RRP12: variants seen among roughly 807,000 people sequenced by gnomAD.
RRP12 encodes RRP12-like protein.
A neutral mutation model predicts 157.3 loss-of-function variants in RRP12; 78 were observed. The ratio of observed to expected loss-of-function variants is 0.50; its 90% CI spans 0.41 to 0.60. The LOEUF is 0.60. RRP12 is among the 20% of genes least tolerant of loss of function. RRP12 has a pLI of 0.00. For missense variants in RRP12, 1,521 were observed against 1,679.9 expected, an observed-to-expected ratio of 0.91 and a Z score of 1.65; for synonymous variants, 726 against 670.9, an observed-to-expected ratio of 1.08 and a Z score of -1.27.
At chr10:97,388,027 C>G in intron 8 of RRP12, 1 of 540,172 alleles carries the variant, frequency 1.9e-6, no homozygotes, top group Non-Finnish European at 3.3e-6. Context: ...ACTACAGATC[C>G]ACCCTGACTC....
intron 21 of RRP12, 24 bp from the exon 22 acceptor site, chr10:97,370,820 AG>A: frequency 6.2e-7 from 1 of 1,612,202 alleles, no homozygotes; most frequent in East Asian, 2.2e-5. Context: ...GCTACCAGTC[AG>A]GACCCCTCAA....
chr10:97,360,586 C>G lies in RRP12; in HGVS notation c.3600G>C (p.Glu1200Asp), dbSNP rs201662952. ...GTATCTCCAGCTCCTCCTCCTCAGC[C>G]TCTTTCTGGTGCTTGAGCTTCTGGT... ...KKHQKLKHQKEAEEEELEIPP... is the reference protein window; with the variant it reads ...KKHQKLKHQKDAEEEELEIPP... Residue 1200 changes from glutamate (E) to aspartate (D), a missense_variant, in exon 31 of 34, where the codon GAG becomes GAC. Glu to Asp is a conservative substitution (Grantham distance 45). Transcript: ENST00000370992. 6.2e-7 allele frequency: 1 copy of G among 1,614,052 alleles called. No homozygotes were observed. Among genetic ancestry groups the G allele is most frequent in the African/African-American group, 1.3e-5 (1 of 75,034 alleles).
intron 8 of RRP12, chr10:97,387,951 A>G (rs1251914546): frequency 4.6e-6 from 1 of 215,332 alleles, no homozygotes; most frequent in Non-Finnish European, 9.1e-6. Context: ...CAAAAAAAAA[A>G]AAAAAAAAAA....
Position 97,401,160 on chromosome 10 carries a change from G to A in RRP12, c.72C>T (p.Ser24=), listed in dbSNP as rs761020309. The part of the protein sequence containing the change: ...KLKRWKKGHS[S]DSNPAICRHR... ...GGCGGCAGATGGCGGGGTTGCTGTC[G>A]CTGCTGTGGCCTTTCTTCCAGCGCT... The change falls in exon 1 of 34, where the codon AGC becomes AGT. Residue 24 remains serine, a synonymous_variant. Coordinates refer to ENST00000370992, the MANE Select transcript of RRP12 (RefSeq NM_015179.4). 6.2e-7 allele frequency: 1 copy of A among 1,614,158 alleles called. No individual in the cohort carries two copies. The highest frequency in any genetic ancestry group is 8.5e-7 in the Non-Finnish European group (1 of 1,180,036).
chr10:97,388,001 G>T, intron 8 of RRP12: 1 of 476,268 alleles, frequency 2.1e-6, no homozygotes. Context: ...GGTGCAGAAG[G>T]AGGGTTTACC....
At chr10:97,369,722 C>G (rs760410297) in intron 24 of RRP12, 140 bp from the exon 25 acceptor site, 3 of 889,984 alleles carry the variant, frequency 3.4e-6, no homozygotes, top group Non-Finnish European at 3.4e-6. Context: ...TGGTTCCAAT[C>G]ACGCTCCATG....
At chr10:97,361,544 T>A (rs1843841400) in intron 30 of RRP12, among the ~76,000 whole-genome samples, 2 of 152,156 alleles carry the variant, frequency 1.3e-5, no homozygotes, top group South Asian at 4.1e-4. Context: ...GGTAAAGGGA[T>A]CGGCCTGGGC....
In RRP12 at chr10:97,366,767, C is replaced by T. The variant is rs771066500; in HGVS notation, c.3190G>A (p.Glu1064Lys). ...EEEEEEEEEEEPAQGKGDSIE... is the reference protein window; with the variant it reads ...EEEEEEEEEEKPAQGKGDSIE... ...CTGTCACCTTTGCCCTGGGCGGGCT[C>T]CTCCTCCTCCTCCTCCTCTTCTTCC... The change falls in exon 27 of 34, where the codon GAG becomes AAG. Residue 1064 changes from glutamate to lysine, a missense_variant. Transcript: ENST00000370992. The T allele has an allele frequency of 6.6e-7, 1 of 1,514,246 alleles. No homozygotes were observed. Among genetic ancestry groups the T allele is most frequent in the East Asian group, 2.3e-5 (1 of 43,608 alleles). 93.8% of individuals were successfully genotyped at this position (1,514,246 alleles called of 1,614,324 possible).
In RRP12 at chr10:97,366,736, T is replaced by C. The variant is rs11189169; in HGVS notation, c.3215+6A>G. 0.018 allele frequency: 28,741 copies of C among 1,612,378 alleles called. 3,031 individuals are homozygous for C. In the African/African-American group the frequency reaches 0.28, roughly 16 times the overall value. ...ACCGGGTCCCATGGCCCTAACATGG[T>C]CTCACCTGTCACCTTTGCCCTGGGC... On this transcript the variant is annotated splice_donor_region_variant and intron_variant, in intron 27 of 33. Transcript: ENST00000370992.
intron 33 of RRP12, among the ~76,000 whole-genome samples, chr10:97,357,763 C>G (rs1380055925): frequency 8.6e-5 from 13 of 151,780 alleles, no homozygotes; most frequent in Admixed American, 8.5e-4. Flanking sequence ...TCAAGACCAT[C>G]CTGGGTAACA....
In RRP12 at chr10:97,367,023, C is replaced by CAGT. The variant is rs765545641; in HGVS notation, c.3047+17_3047+18insACT. 6.2e-7 allele frequency: 1 copy of CAGT among 1,613,718 alleles called. No individual in the cohort carries two copies. The highest frequency in any genetic ancestry group is 8.5e-7 in the Non-Finnish European group (1 of 1,179,640). On this transcript the variant is annotated intron_variant, in intron 26 of 33. Coordinates refer to ENST00000370992, the MANE Select transcript of RRP12 (RefSeq NM_015179.4). The stretch of plus-strand genomic sequence containing the variant: ...GCCCCTCGCTTGCCCTACCCCCGCC[C>CAGT]CTGCTCAGTGCACAGACCCAAACTT...
chr10:97,373,088 C>G lies in RRP12; in HGVS notation c.2139G>C (p.Val713=). The G allele has an allele frequency of 6.2e-7, 1 of 1,614,024 alleles. No homozygotes were observed. The highest frequency in any genetic ancestry group is 8.5e-7 in the Non-Finnish European group (1 of 1,179,926). ...AGDTPAPRRA[V]LETIRTYLTI... ...TGAGGTAAGTTCTGATGGTTTCCAG[C>G]ACAGCCCGGCGAGGGGCTGGAGTGT... Residue 713 remains valine, a synonymous_variant, in exon 18 of 34, where the codon GTG becomes GTC. Transcript: ENST00000370992.
intron 10 of RRP12, among the ~76,000 whole-genome samples, chr10:97,383,426 G>A (rs1464924950): frequency 2.0e-5 from 3 of 152,204 alleles, no homozygotes; most frequent in Middle Eastern, 3.2e-3. Context: ...TCCTCATGGG[G>A]TTGCTGTGAC....
chr10:97,359,466 G>C (rs1180488363), intron 31 of RRP12, among the ~76,000 whole-genome samples: 1 of 152,196 alleles, frequency 6.6e-6, no homozygotes, highest in Non-Finnish European at 1.5e-5. Flanking sequence ...CAAACACTGA[G>C]ATAGCAGGTA....
intron 5 of RRP12, 100 bp from the exon 6 acceptor site, chr10:97,390,639 C>T: frequency 7.6e-7 from 1 of 1,322,436 alleles, no homozygotes; most frequent in East Asian, 2.3e-5. Context: ...TGTCTGAGGT[C>T]CCCAGGGTGC....
At chr10:97,388,030 C>T (rs1184160441) in intron 8 of RRP12, 1 of 557,576 alleles carries the variant, frequency 1.8e-6, no homozygotes, top group Non-Finnish European at 3.1e-6. Flanking sequence ...ACAGATCCAC[C>T]CTGACTCTGA....
In RRP12 at chr10:97,379,275, G is replaced by A; in HGVS notation, c.1798+18C>T. The A allele has an allele frequency of 6.2e-7, 1 of 1,613,438 alleles. No homozygotes were observed. Among genetic ancestry groups the A allele is most frequent in the Non-Finnish European group, 8.5e-7 (1 of 1,179,594 alleles). Reference sequence around the variant, plus strand: ...TGTGGGGAGCCTCAGGTCACACACAGGCAAGGGTCTCTCCTACCTTTGCTC... The same window carrying A: ...TGTGGGGAGCCTCAGGTCACACACAAGCAAGGGTCTCTCCTACCTTTGCTC... On this transcript the variant is annotated intron_variant, in intron 15 of 33. Transcript: ENST00000370992.
rs150770313 is a variant in RRP12 at position 97,380,855 on chromosome 10, G to A, written c.1477C>T (p.Leu493=). The A allele has an allele frequency of 9.3e-6, 15 of 1,614,188 alleles. No homozygotes were observed. Among genetic ancestry groups the A allele is most frequent in the Non-Finnish European group, 1.3e-5 (15 of 1,180,026 alleles). ...FHAAWSSVLQ[L]LCVFFEACGR... ...CACGCCTCGAAGAAGACACACAGCA[G>A]CTGCAACACGGAGCTCCAGGCCGCA... Residue 493 remains leucine, a synonymous_variant, in exon 13 of 34, where the codon CTG becomes TTG. Coordinates refer to ENST00000370992, the MANE Select transcript of RRP12 (RefSeq NM_015179.4).
At chr10:97,358,348 A>T (rs1843763396) in intron 33 of RRP12, among the ~76,000 whole-genome samples, 189 bp downstream of exon 33, 1 of 152,108 alleles carries the variant, frequency 6.6e-6, no homozygotes, top group Admixed American at 6.5e-5. Context: ...ATAAAAAAAT[A>T]AAGAAGCAGT....
Sources: gnomAD v4.1 joint callset for allele counts (sites outside exome capture counted in the v4.1 genomes callset) on GRCh38, gnomAD v4.1.1 for gene constraint, MANE v1.5 for transcripts, NCBI Gene and HGNC (gene_info 2026-07-23, HGNC 2026-07-21) for gene names.